Variants in SLIT2 observed in about 807,000 individuals in gnomAD.
The protein encoded by SLIT2 is slit homolog 2 protein.
SLIT2 carries 41 observed loss-of-function variants against 185.7 expected under a neutral mutation model. The observed-to-expected ratio is 0.22, with a 90% CI of 0.17 to 0.29. SLIT2 has a LOEUF of 0.29. SLIT2 is among the 10% of genes least tolerant of loss of function. SLIT2 has a pLI of 1.00. For missense variants in SLIT2, 1,571 were observed against 1,909.0 expected (o/e 0.82, Z 3.30); for synonymous variants, 693 against 680.2 (o/e 1.02, Z -0.29).
intron 4 of SLIT2, among the ~76,000 whole-genome samples, chr4:20,283,456 A>G (rs895255575): frequency 1.3e-5 from 2 of 152,224 alleles, no homozygotes; most frequent in African/African-American, 4.8e-5. Flanking sequence ...TCTTTCCAGT[A>G]TTAGAAGACA....
At chr4:20,520,781 C>A (rs558228420) in intron 12 of SLIT2, among the ~76,000 whole-genome samples, 2 of 152,192 alleles carry the variant, frequency 1.3e-5, no homozygotes, top group South Asian at 4.1e-4. Flanking sequence ...TTCTGTTCAT[C>A]CCCACCCCAA....
At chr4:20,447,243 G>T (rs898139333) in intron 4 of SLIT2, among the ~76,000 whole-genome samples, 4 of 152,198 alleles carry the variant, frequency 2.6e-5, no homozygotes, top group African/African-American at 9.7e-5. Context: ...AAGCCTAACA[G>T]TTTTCTTTGT....
At chr4:20,512,105 C>G (rs976536488) in intron 11 of SLIT2, among the ~76,000 whole-genome samples, 1 of 152,074 alleles carries the variant, frequency 6.6e-6, no homozygotes, top group Non-Finnish European at 1.5e-5. Flanking sequence ...TTTAAATATT[C>G]GAAAGTGGAA....
At position 20,542,581 on chromosome 4, in the gene SLIT2, G is replaced by T; in HGVS notation, c.2231G>T (p.Gly744Val). The T allele has an allele frequency of 1.2e-6, 2 of 1,613,902 alleles. No individual in the cohort carries two copies. The highest frequency in any genetic ancestry group is 1.3e-5 in the African/African-American group (1 of 75,050). ...LDTVVRCSNKGLKVLPKGIPR... is the reference protein window; with the variant it reads ...LDTVVRCSNKVLKVLPKGIPR... Reference sequence around the variant, plus strand: ...ACAGTCGTCCGATGTAGCAACAAGGGTTTGAAGGTCTTGCCGAAAGGTATT... The same window carrying T: ...ACAGTCGTCCGATGTAGCAACAAGGTTTTGAAGGTCTTGCCGAAAGGTATT... The change falls in exon 21 of 37, where the codon GGT becomes GTT. Residue 744 changes from glycine to valine, a missense_variant. By Grantham distance (109) the Gly-to-Val change is moderately radical. This residue lies in a region of SLIT2 where 1,202 missense variants were observed against 1,416.4 expected (regional missense o/e 0.85). Transcript: ENST00000504154.
At chr4:20,543,379 G>T (rs931222432) in intron 21 of SLIT2, among the ~76,000 whole-genome samples, 2 of 152,144 alleles carry the variant, frequency 1.3e-5, no homozygotes, top group Non-Finnish European at 2.9e-5. Flanking sequence ...TAGAGAATAT[G>T]CTGCCAGAAT....
chr4:20,402,696 C>T (rs972617219), intron 4 of SLIT2, among the ~76,000 whole-genome samples: 1 of 151,796 alleles, frequency 6.6e-6, no homozygotes, highest in African/African-American at 2.4e-5. Flanking sequence ...TCCTACCCTA[C>T]ACAATTTGCC....
At chr4:20,407,031 A>C (rs572718183) in intron 4 of SLIT2, among the ~76,000 whole-genome samples, 86 of 94,940 alleles carry the variant, frequency 9.1e-4, no homozygotes, top group Non-Finnish European at 2.1e-3. Flanking sequence ...ATGTTGAACA[A>C]AAAAATATCC....
chr4:20,307,677 A>T (rs1717713602), intron 4 of SLIT2, among the ~76,000 whole-genome samples: 1 of 152,226 alleles, frequency 6.6e-6, no homozygotes, highest in South Asian at 2.1e-4. Flanking sequence ...GTGAAAGGAC[A>T]GGAAACTAGT....
intron 33 of SLIT2, among the ~76,000 whole-genome samples, chr4:20,599,717 G>C (rs1421216083): frequency 1.3e-5 from 2 of 152,042 alleles, no homozygotes; most frequent in African/African-American, 2.4e-5. Flanking sequence ...CTCTCCTTTA[G>C]ATATCAGTGT....
At chr4:20,308,581 C>T (rs1326597372) in intron 4 of SLIT2, among the ~76,000 whole-genome samples, 1 of 152,046 alleles carries the variant, frequency 6.6e-6, no homozygotes, top group Non-Finnish European at 1.5e-5. Flanking sequence ...CTTTGAGTAT[C>T]AGTCACTGCC....
At chr4:20,532,599 G>T (rs559171641) in intron 17 of SLIT2, among the ~76,000 whole-genome samples, 1 of 152,116 alleles carries the variant, frequency 6.6e-6, no homozygotes, top group Admixed American at 6.5e-5. Flanking sequence ...GAGGTGTGAC[G>T]GGGAGACAGG....
chr4:20,539,949 A>G (rs1360830871), intron 19 of SLIT2, among the ~76,000 whole-genome samples: 1 of 152,168 alleles, frequency 6.6e-6, no homozygotes, highest in African/African-American at 2.4e-5. Context: ...TAAGTATTAT[A>G]AAAGGAGAAT....
intron 26 of SLIT2, among the ~76,000 whole-genome samples, chr4:20,556,567 A>G (rs989418631): frequency 3.3e-5 from 5 of 152,058 alleles, no homozygotes; most frequent in Admixed American, 6.6e-5. Flanking sequence ...GTCCAAGATA[A>G]GTCCCCTGTC....
At chr4:20,289,405 T>G (rs1471669649) in intron 4 of SLIT2, among the ~76,000 whole-genome samples, 1 of 152,222 alleles carries the variant, frequency 6.6e-6, no homozygotes, top group Non-Finnish European at 1.5e-5. Context: ...TTGCCATTGC[T>G]ATTTTCTTGG....
chr4:20,609,011 G>A (rs1318328505), intron 33 of SLIT2, among the ~76,000 whole-genome samples: 2 of 152,128 alleles, frequency 1.3e-5, no homozygotes, highest in African/African-American at 2.4e-5. Flanking sequence ...GGAAAGGTAA[G>A]TACGTTCTTA....
chr4:20,347,776 G>A (rs1280543005), intron 4 of SLIT2, among the ~76,000 whole-genome samples: 1 of 152,206 alleles, frequency 6.6e-6, no homozygotes, highest in African/African-American at 2.4e-5. Flanking sequence ...TACACATTGT[G>A]TAATACGGCA....
At chr4:20,280,855 G>A (rs772058690) in intron 4 of SLIT2, among the ~76,000 whole-genome samples, 126 of 136,052 alleles carry the variant, frequency 9.3e-4, no homozygotes, top group Non-Finnish European at 1.2e-3. Flanking sequence ...TTTTTGAGAC[G>A]GAGTTTTTCT....
Position 20,404,825 on chromosome 4 carries a change from C to T in SLIT2, c.396-62927C>T, listed in dbSNP as rs185601639. Reference sequence around the variant, plus strand: ...AAACTTAATATCCACAAAATCATTACAGTATCTTGTAAAGAATTGAGAGTT... The same window carrying T: ...AAACTTAATATCCACAAAATCATTATAGTATCTTGTAAAGAATTGAGAGTT... On this transcript the variant is annotated intron_variant, in intron 4 of 36. Transcript: ENST00000504154. 1.5e-3 allele frequency among the ~76,000 whole-genome samples: 230 copies of T among 152,070 alleles called. 1 individual carries two copies. Among genetic ancestry groups the T allele is most frequent in the Non-Finnish European group, 2.5e-3 (168 of 67,938 alleles).
At chr4:20,279,734 A>G (rs1053310738) in intron 4 of SLIT2, among the ~76,000 whole-genome samples, 1 of 152,244 alleles carries the variant, frequency 6.6e-6, no homozygotes, top group Admixed American at 6.5e-5. Context: ...TACTTGGCAT[A>G]TAATAAGTGG....
Sources: allele counts gnomAD v4.1 joint callset (sites outside exome capture counted in the v4.1 genomes callset), GRCh38; gene constraint gnomAD v4.1.1; regional missense constraint gnomAD v4.1.1; transcripts MANE v1.5; gene names NCBI Gene and HGNC (gene_info 2026-07-23, HGNC 2026-07-21).